The following DET1 variants were observed in gnomAD, a reference collection of about 807,000 sequenced individuals.
DET1 encodes DET1 homolog.
A neutral mutation model predicts 43.7 loss-of-function variants in DET1; 22 were observed. The ratio of observed to expected loss-of-function variants is 0.50; its 90% CI spans 0.36 to 0.72. DET1 has a LOEUF of 0.72. Among genes scored for constraint, DET1 ranks in the 30% least tolerant of loss-of-function variants. The pLI, the probability that DET1 is intolerant of heterozygous loss-of-function variation, is 0.00. For synonymous variants in DET1, 315 were observed against 266.2 expected (o/e 1.18, Z -1.79); for missense variants, 713 against 713.3 (o/e 1.00, Z 0.00).
chr15:88,537,637 G>A (rs947928854), intron 1 of DET1, among the ~76,000 whole-genome samples: 4 of 152,204 alleles, frequency 2.6e-5, no homozygotes, highest in African/African-American at 9.7e-5. Context: ...GCCCTCATTA[G>A]ATGGTGATGT....
At chr15:88,534,615 T>C (rs2056900623) in intron 1 of DET1, among the ~76,000 whole-genome samples, 1 of 152,154 alleles carries the variant, frequency 6.6e-6, no homozygotes, top group East Asian at 1.9e-4. Flanking sequence ...GCTGCACACG[T>C]GTGGATCTGG....
intron 3 of DET1, among the ~76,000 whole-genome samples, chr15:88,520,715 A>G (rs1223409950): frequency 6.6e-6 from 1 of 152,246 alleles, no homozygotes. Context: ...ATAATTACTT[A>G]CTATTCCCAA....
chr15:88,531,151 C>A lies in DET1; in HGVS notation c.555G>T (p.Arg185=). ...RNSESVTPNP[R]SPLEDYSLHI... is the part of the protein sequence containing the mutation. Reference sequence around the variant, plus strand: ...GGAGGGAATAGTCTTCTAGAGGGGACCGTGGGTTGGGGGTCACTGATTCAC... The same window carrying A: ...GGAGGGAATAGTCTTCTAGAGGGGAACGTGGGTTGGGGGTCACTGATTCAC... The change falls in exon 2 of 5, where the codon CGG becomes CGT. Residue 185 remains arginine, a synonymous_variant. Transcript: ENST00000268148. The surrounding 1 kb of genome is among the most constrained non-coding windows in gnomAD (Gnocchi z 6.2). 4.3e-6 allele frequency: 7 copies of A among 1,613,836 alleles called. No homozygotes were observed. In the South Asian group the frequency reaches 5.5e-5, roughly 13 times the overall value.
At chr15:88,526,305 C>T (rs1432115154) in intron 3 of DET1, among the ~76,000 whole-genome samples, 1 of 152,172 alleles carries the variant, frequency 6.6e-6, no homozygotes, top group Non-Finnish European at 1.5e-5. Flanking sequence ...GGACCTAAAA[C>T]AGGTATTTTC....
At chr15:88,532,807 C>T (rs1450351316) in intron 1 of DET1, among the ~76,000 whole-genome samples, 1 of 152,112 alleles carries the variant, frequency 6.6e-6, no homozygotes, top group Non-Finnish European at 1.5e-5. Context: ...GGAAAAGAAT[C>T]TAAATATAAG....
intron 1 of DET1, among the ~76,000 whole-genome samples, chr15:88,538,101 C>T (rs62023276): frequency 0.042 from 6,334 of 152,236 alleles, 203 homozygotes; most frequent in South Asian, 0.11. Flanking sequence ...CTTTATGGAA[C>T]GAAAGAAGAA....
exon 8 of DET1, chr15:88,503,941 G>C (rs1166459143): frequency 6.6e-6 from 1 of 151,402 alleles, no homozygotes; most frequent in Non-Finnish European, 1.5e-5. Context: ...TCTACAGTGA[G>C]CCATGATCAT....
At chr15:88,522,517 T>TTTTTTTTTTTTTTTTTG (rs1555427981) in intron 3 of DET1, among the ~76,000 whole-genome samples, 1 of 136,608 alleles carries the variant, frequency 7.3e-6, no homozygotes, top group Non-Finnish European at 1.6e-5. Context: ...TCCTGGTTTT[T>TTTTTTTTTTTTTTTTTG]TTTTTTTTTT....
rs1277876274 is a variant in DET1, at chr15:88,504,142, A to G, written c.*2066-155T>C. On this transcript the variant is annotated intron_variant and NMD_transcript_variant, in intron 7 of 8. Coordinates refer to the DET1 transcript ENST00000557842. This position sits in a 1 kb window ranked among gnomAD's most constrained non-coding sequence, Gnocchi z 4.7. ...TGAAGCGGGAGGACTGGATTCCAGG[A>G]TATTTCATTCACATGGCTATCAGCA... The G allele has an allele frequency of 1.3e-5, 2 of 152,170 alleles. No homozygotes were observed. The highest frequency in any genetic ancestry group is 4.8e-5 in the African/African-American group (2 of 41,444). 9.4% of individuals were successfully genotyped at this position (152,170 alleles called of 1,614,324 possible).
At chr15:88,519,819 A>G (rs774918824) in intron 3 of DET1, among the ~76,000 whole-genome samples, 3 of 152,098 alleles carry the variant, frequency 2.0e-5, no homozygotes, top group Non-Finnish European at 2.9e-5. Flanking sequence ...CTTTAAACTT[A>G]TGGCCATGAA....
At chr15:88,542,298 C>T (rs1414944388) in intron 1 of DET1, among the ~76,000 whole-genome samples, 1 of 152,074 alleles carries the variant, frequency 6.6e-6, no homozygotes, top group Non-Finnish European at 1.5e-5. Flanking sequence ...CTAATTGGGA[C>T]CCAAATTCCT....
At chr15:88,517,450 T>C (rs1226004271) in intron 3 of DET1, among the ~76,000 whole-genome samples, 1 of 152,132 alleles carries the variant, frequency 6.6e-6, no homozygotes, top group Non-Finnish European at 1.5e-5. Flanking sequence ...GGTCTTGAAC[T>C]CCTGGGTTCA....
At chr15:88,523,422 CTT>C (rs1355286724) in intron 3 of DET1, among the ~76,000 whole-genome samples, 1 of 152,142 alleles carries the variant, frequency 6.6e-6, no homozygotes, top group African/African-American at 2.4e-5. Context: ...CCCTCTCACT[CTT>C]GTCTCCCCTT....
In DET1 at chr15:88,504,586, G is replaced by T. The variant is rs1200832839; in HGVS notation, c.*2066-599C>A. 2.6e-5 allele frequency: 4 copies of T among 152,080 alleles called. No homozygotes were observed. In the East Asian group the frequency reaches 7.7e-4, roughly 29 times the overall value. The allele number at this position is 152,080 out of a possible 1,614,324, so 9.4% of individuals were successfully genotyped here. On this transcript the variant is annotated intron_variant and NMD_transcript_variant, in intron 7 of 8. Transcript: ENST00000557842. The surrounding 1 kb of genome is among the most constrained non-coding windows in gnomAD (Gnocchi z 4.7). ...CCCTCCCAGAGTTTGCTAATTCCTG[G>T]AGATAGCAAACAACTTGCCTGAGAA...
chr15:88,522,512 G>GTTGTTTTTTTTTTTT (rs2056520139), intron 3 of DET1, among the ~76,000 whole-genome samples: 1 of 80,258 alleles, frequency 1.2e-5, no homozygotes, highest in Non-Finnish European at 2.3e-5. Flanking sequence ...AATGTTCCTG[G>GTTGTTTTTTTTTTTT]TTTTTTTTTT....
chr15:88,510,701 C>G (rs931743717), downstream of DET1, among the ~76,000 whole-genome samples: 2 of 151,774 alleles, frequency 1.3e-5, no homozygotes, highest in Non-Finnish European at 2.9e-5. Flanking sequence ...TTTATCTGGC[C>G]GTAACTCCCT....
chr15:88,541,755 T>C (rs1015317046), intron 1 of DET1, among the ~76,000 whole-genome samples: 1 of 152,240 alleles, frequency 6.6e-6, no homozygotes, highest in Non-Finnish European at 1.5e-5. Flanking sequence ...GCTCCGTTCA[T>C]GTGCCATTCA....
chr15:88,532,388 C>G (rs1040655654), intron 1 of DET1, among the ~76,000 whole-genome samples: 1 of 152,086 alleles, frequency 6.6e-6, no homozygotes, highest in African/African-American at 2.4e-5. Flanking sequence ...CCATATTACC[C>G]AAAATAATCT....
At chr15:88,533,594 C>T (rs151199280) in intron 1 of DET1, among the ~76,000 whole-genome samples, 145 of 152,204 alleles carry the variant, frequency 9.5e-4, no homozygotes, top group African/African-American at 3.3e-3. Context: ...AGGAATATTA[C>T]TCGGCCTTCA....
Sources: gnomAD v4.1 joint callset for allele counts (sites outside exome capture counted in the v4.1 genomes callset) on GRCh38, gnomAD v4.1.1 for gene constraint, Gnocchi (gnomAD v3.1) non-coding constraint, MANE v1.5 for transcripts, NCBI Gene and HGNC (gene_info 2026-07-23, HGNC 2026-07-21) for gene names.